Variants in ATP10B observed in about 807,000 individuals in gnomAD.
The protein encoded by ATP10B is phospholipid-transporting ATPase VB.
A neutral mutation model predicts 141.2 loss-of-function variants in ATP10B; 122 were observed. The ratio of observed to expected loss-of-function variants is 0.86; its 90% CI spans 0.75 to 1.00. ATP10B has a LOEUF of 1.00. ATP10B is among the 50% of genes least tolerant of loss of function. The pLI is 0.00. For synonymous variants in ATP10B, 685 were observed against 692.0 expected (o/e 0.99, Z 0.16); for missense variants, 1,876 against 1,825.3 (o/e 1.03, Z -0.51).
chr5:160,687,821 T>C lies in ATP10B; in HGVS notation c.254A>G (p.Asn85Ser). The C allele has an allele frequency of 2.5e-6, 4 of 1,613,926 alleles. No individual in the cohort carries two copies. Among genetic ancestry groups the C allele is most frequent in the Non-Finnish European group, 3.4e-6 (4 of 1,179,924 alleles). The change falls in exon 5 of 26, where the codon AAT becomes AGT. Residue 85 changes from asparagine to serine, a missense_variant. Asn to Ser is a conservative substitution (Grantham distance 46). Coordinates refer to ENST00000327245, the MANE Select transcript of ATP10B (RefSeq NM_025153.3). ...KYTLFTFLPR[N>S]LFEQFHRWAN... ...CTACCTATGAAATTGCTCAAAGAGA[T>C]TCCGGGGCAGGAAGGTGAAGAGGGT...
At chr5:160,625,306 A>T (rs1281063655) in intron 13 of ATP10B, among the ~76,000 whole-genome samples, 1 of 152,230 alleles carries the variant, frequency 6.6e-6, no homozygotes, top group African/African-American at 2.4e-5. Flanking sequence ...GTGTCTGGGC[A>T]TCTCAAACAC....
chr5:160,771,392 G>T (rs1483944404), intron 2 of ATP10B, among the ~76,000 whole-genome samples: 1 of 152,014 alleles, frequency 6.6e-6, no homozygotes, highest in Non-Finnish European at 1.5e-5. Context: ...GAAGAGTCTT[G>T]GGTGTCCCAC....
intron 3 of ATP10B, among the ~76,000 whole-genome samples, chr5:160,715,991 G>T (rs1581404862): frequency 6.6e-6 from 1 of 152,112 alleles, no homozygotes; most frequent in South Asian, 2.1e-4. Flanking sequence ...TTACAGGCAT[G>T]AGCCACCATA....
chr5:160,870,905 G>A, the ATP10B span, among the ~76,000 whole-genome samples: 15 of 145,316 alleles, frequency 1.0e-4, no homozygotes, highest in Admixed American at 8.3e-4. Context: ...CTCAGAAAAT[G>A]TAAACAATAG....
rs367745766 is a variant in ATP10B at position 160,584,125 on chromosome 5, G to A, written c.3750+5467C>T. 1.8e-3 allele frequency among the ~76,000 whole-genome samples: 280 copies of A among 152,170 alleles called. 1 individual carries two copies. The highest frequency in any genetic ancestry group is 6.4e-3 in the African/African-American group (266 of 41,522). ...CAGCTATCTCCATGTCTGCCCAAAC[G>A]GCCACCCAGCTTTGTGATTGAAACC... On this transcript the variant is annotated intron_variant, in intron 24 of 25. Transcript: ENST00000327245.
intron 1 of ATP10B, among the ~76,000 whole-genome samples, chr5:160,814,331 G>T (rs1431559899): frequency 6.6e-6 from 1 of 152,214 alleles, no homozygotes; most frequent in Non-Finnish European, 1.5e-5. Context: ...AGAACTACGT[G>T]ATGAATGCAC....
rs1773727278 is a variant in ATP10B at position 160,817,424 on chromosome 5, C to T, written c.-575-31621G>A. ...CAATTGCTTCAAAGAGAATAAAATA[C>T]CTAGGAATCCAACTTACAAGGGACA... is the stretch of plus-strand genomic sequence containing the variant. On this transcript the variant is annotated intron_variant, in intron 1 of 25. Coordinates refer to ENST00000327245, the MANE Select transcript of ATP10B (RefSeq NM_025153.3). 2.6e-5 allele frequency among the ~76,000 whole-genome samples: 4 copies of T among 152,196 alleles called. No homozygotes were observed. The South Asian group carries it at 6.2e-4, about 24-fold the overall frequency.
intron 7 of ATP10B, among the ~76,000 whole-genome samples, chr5:160,658,811 T>A (rs190475642): frequency 2.8e-4 from 43 of 152,308 alleles, no homozygotes; most frequent in African/African-American, 1.0e-3. Flanking sequence ...GAGATGGACA[T>A]CATACTGATG....
chr5:160,784,781 T>C lies in ATP10B; in HGVS notation c.-331+778A>G, dbSNP rs372400328. Among the ~76,000 whole-genome samples the C allele has an allele frequency of 1.2e-4, 19 of 152,260 alleles. No individual in the cohort carries two copies. In the East Asian group the frequency reaches 3.7e-3, roughly 29 times the overall value. On this transcript the variant is annotated intron_variant, in intron 2 of 25. Transcript: ENST00000327245. ...AGAACTTGAGTACCTTTATAAGCTT[T>C]CCTCTTAGAGGAAGCACTGCTGAGA... is the stretch of plus-strand genomic sequence containing the variant.
chr5:160,716,198 T>C (rs953021343), intron 3 of ATP10B, among the ~76,000 whole-genome samples: 2 of 152,140 alleles, frequency 1.3e-5, no homozygotes, highest in African/African-American at 2.4e-5. Flanking sequence ...AATAAAAAAA[T>C]TGTAACATAT....
At chr5:160,812,833 G>C (rs1207770616) in intron 1 of ATP10B, among the ~76,000 whole-genome samples, 4 of 152,190 alleles carry the variant, frequency 2.6e-5, no homozygotes, top group Admixed American at 2.0e-4. Flanking sequence ...GATACGTGTA[G>C]ATAGTTTTTT....
At chr5:160,750,389 C>T (rs868828796) in intron 2 of ATP10B, among the ~76,000 whole-genome samples, 1 of 152,342 alleles carries the variant, frequency 6.6e-6, no homozygotes, top group Middle Eastern at 3.4e-3. Context: ...CCATCACTGA[C>T]TCCTGTTTAG....
chr5:160,648,361 G>C (rs967961020), intron 8 of ATP10B, among the ~76,000 whole-genome samples: 1 of 152,058 alleles, frequency 6.6e-6, no homozygotes, highest in Non-Finnish European at 1.5e-5. Context: ...CTATTGTTAG[G>C]GTTAGTGTAT....
At chr5:160,794,288 G>T (rs1003735796) in intron 1 of ATP10B, among the ~76,000 whole-genome samples, 1 of 152,156 alleles carries the variant, frequency 6.6e-6, no homozygotes, top group African/African-American at 2.4e-5. Context: ...TGCCTTGTCT[G>T]TCCTGCATCC....
At chr5:160,697,011 T>A (rs559358394) in intron 3 of ATP10B, among the ~76,000 whole-genome samples, 19 of 152,342 alleles carry the variant, frequency 1.2e-4, no homozygotes, top group Non-Finnish European at 2.6e-4. Flanking sequence ...GTAGAACTTG[T>A]CATTTCTTCC....
At chr5:160,760,350 G>C (rs904441465) in intron 2 of ATP10B, among the ~76,000 whole-genome samples, 19 of 152,092 alleles carry the variant, frequency 1.2e-4, no homozygotes, top group African/African-American at 4.3e-4. Flanking sequence ...TTAAGACCTT[G>C]CTTCCTGTAT....
chr5:160,686,446 C>T (rs1763757158), intron 5 of ATP10B, among the ~76,000 whole-genome samples, 173 bp from the exon 6 acceptor site: 2 of 152,104 alleles, frequency 1.3e-5, no homozygotes, highest in Non-Finnish European at 2.9e-5. Context: ...TTTATTATTT[C>T]CATAGATTAT....
intron 7 of ATP10B, among the ~76,000 whole-genome samples, chr5:160,653,086 T>C (rs1305486094): frequency 8.0e-6 from 1 of 125,286 alleles, no homozygotes; most frequent in African/African-American, 2.9e-5. Flanking sequence ...AGTGTATATA[T>C]TATATATACA....
intron 1 of ATP10B, among the ~76,000 whole-genome samples, chr5:160,823,555 A>G (rs1774338285): frequency 6.6e-6 from 1 of 152,234 alleles, no homozygotes; most frequent in African/African-American, 2.4e-5. Context: ...TTAAAATTAA[A>G]ATTTAAGAAA....
Sources: allele counts gnomAD v4.1 joint callset (sites outside exome capture counted in the v4.1 genomes callset), GRCh38; gene constraint gnomAD v4.1.1; transcripts MANE v1.5; gene names NCBI Gene and HGNC (gene_info 2026-07-23, HGNC 2026-07-21).